ZGPAT: variants seen among roughly 807,000 people sequenced by gnomAD.
ZGPAT encodes zinc finger CCCH-type with G patch domain-containing protein.
Under a neutral mutation model 47.9 loss-of-function variants are expected in ZGPAT, and 39 were observed. The observed-to-expected ratio is 0.81, with a 90% CI of 0.63 to 1.06. The LOEUF (loss-of-function observed/expected upper bound fraction) is 1.06, where lower values mean the gene tolerates loss of function less well. Ranked by LOEUF, ZGPAT falls within the 50% of genes least tolerant of loss-of-function variation. The pLI, the probability that ZGPAT is intolerant of heterozygous loss-of-function variation, is 0.00. For synonymous variants in ZGPAT, 348 were observed against 292.9 expected (o/e 1.19, Z -1.92); for missense variants, 717 against 681.4 (o/e 1.05, Z -0.58).
chr20:63,735,785 AGCGTGGC>A lies in ZGPAT; in HGVS notation c.1404_1410del (p.Val469GlnfsTer38). ...GACTAGTGAGCCCCTCCGCAGGCAT[AGCGTGGC>A]GTCAGCCCAGCTGCAGGAGAAGCTG... On this transcript the variant is annotated frameshift_variant, in exon 7 of 7. Coordinates refer to ENST00000355969, the MANE Select transcript of ZGPAT (RefSeq NM_181485.3). LOFTEE classifies it high-confidence loss of function. The A allele has an allele frequency of 6.2e-7, 1 of 1,601,868 alleles. No homozygotes were observed. Among genetic ancestry groups the A allele is most frequent in the Non-Finnish European group, 8.5e-7 (1 of 1,175,032 alleles).
chr20:63,733,735 C>T lies in ZGPAT; in HGVS notation c.867C>T (p.Ala289=), dbSNP rs1490018909. ...DSDGTGDSSY[A]RVVGSDAVDS... ...ACGGTACGGGTGACTCCAGCTATGC[C>T]AGAGGTATGGCAGCAGCTGCGGAGC... Residue 289 remains alanine (A), a synonymous_variant, in exon 4 of 7, where the codon GCC becomes GCT. Transcript: ENST00000355969. 2 of 1,609,972 alleles carry T rather than the reference C, an allele frequency of 1.2e-6. No homozygotes were observed. The highest frequency in any genetic ancestry group is 1.7e-6 in the Non-Finnish European group (2 of 1,177,622).
At chr20:63,729,034 C>CTTT (rs1054928363) in intron 2 of ZGPAT, among the ~76,000 whole-genome samples, 1 of 139,558 alleles carries the variant, frequency 7.2e-6, no homozygotes, top group African/African-American at 2.7e-5. Context: ...TTCTTTTTTT[C>CTTT]TTTTTTTTTT....
chr20:63,725,728 T>G, intron 2 of ZGPAT, among the ~76,000 whole-genome samples: 1 of 151,584 alleles, frequency 6.6e-6, no homozygotes, highest in African/African-American at 2.4e-5. Context: ...CTTTTGGGAG[T>G]ACCACTGCAT....
In ZGPAT at chr20:63,733,617, T is replaced by C. The variant is rs372783494; in HGVS notation, c.749T>C (p.Phe250Ser). 1 of 1,613,984 alleles carries C rather than the reference T, an allele frequency of 6.2e-7. No homozygotes were observed. The highest frequency in any genetic ancestry group is 8.5e-7 in the Non-Finnish European group (1 of 1,180,050). ...DVDNGYYTVK[F>S]DSLLLREAVV... ...GACAACGGCTACTACACAGTCAAGT[T>C]TGACTCGCTGCTGCTGAGGGAGGCC... The change falls in exon 4 of 7, where the codon TTT becomes TCT. Residue 250 changes from phenylalanine to serine, a missense_variant. By Grantham distance (155) the Phe-to-Ser change is radical. Transcript: ENST00000355969.
In ZGPAT at chr20:63,735,808, G is replaced by A; in HGVS notation, c.1425G>A (p.Gln475=). 6.2e-7 allele frequency: 1 copy of A among 1,610,906 alleles called. No homozygotes were observed. The highest frequency in any genetic ancestry group is 1.7e-4 in the Middle Eastern group (1 of 6,046). ...ATAGCGTGGCGTCAGCCCAGCTGCA[G>A]GAGAAGCTGGCAGGAGCCCAGCGCC... ...GRHSVASAQL[Q]EKLAGAQRQL... The change falls in exon 7 of 7, where the codon CAG becomes CAA. Residue 475 remains glutamine, a synonymous_variant. Coordinates refer to ENST00000355969, the MANE Select transcript of ZGPAT (RefSeq NM_181485.3).
chr20:63,715,827 C>CAT lies in ZGPAT; in HGVS notation c.584+6669_584+6670dup, dbSNP rs148206286. On this transcript the variant is annotated intron_variant, in intron 2 of 6. Coordinates refer to ENST00000355969, the MANE Select transcript of ZGPAT (RefSeq NM_181485.3). Reference sequence around the variant, plus strand: ...TCAACAGTGAAGTGATATATACAATCATATATAGAGAGAGAGAGAGAGAGA... The same window carrying CAT: ...TCAACAGTGAAGTGATATATACAATCATATATATAGAGAGAGAGAGAGAGAGA... Among the ~76,000 whole-genome samples the CAT allele has an allele frequency of 4.2e-3, 628 of 148,528 alleles. 3 individuals are homozygous for CAT. The highest frequency in any genetic ancestry group is 7.5e-3 in the African/African-American group (292 of 39,166).
chr20:63,735,797 G>T lies in ZGPAT; in HGVS notation c.1414G>T (p.Ala472Ser). ...CCTCCGCAGGCATAGCGTGGCGTCA[G>T]CCCAGCTGCAGGAGAAGCTGGCAGG... ...RNAGRHSVAS[A>S]QLQEKLAGAQ... Residue 472 changes from alanine to serine, a missense_variant, in exon 7 of 7, where the codon GCC (alanine) becomes TCC (serine). Coordinates refer to ENST00000355969, the MANE Select transcript of ZGPAT (RefSeq NM_181485.3). The T allele has an allele frequency of 6.2e-7, 1 of 1,608,186 alleles. No homozygotes were observed. Among genetic ancestry groups the T allele is most frequent in the Non-Finnish European group, 8.5e-7 (1 of 1,177,902 alleles).
intron 2 of ZGPAT, among the ~76,000 whole-genome samples, chr20:63,715,645 A>G (rs1304994670): frequency 2.0e-5 from 3 of 151,990 alleles, no homozygotes; most frequent in Admixed American, 2.0e-4. Flanking sequence ...TTGATAAGGG[A>G]TATTGGTCTG....
At chr20:63,734,888 A>G in intron 5 of ZGPAT, 64 bp downstream of exon 5, 2 of 1,503,492 alleles carry the variant, frequency 1.3e-6, no homozygotes, top group South Asian at 1.4e-5. Context: ...TCCAGCAGCC[A>G]TCAGGTTCCC....
intron 2 of ZGPAT, among the ~76,000 whole-genome samples, chr20:63,717,341 T>C (rs2091740756): frequency 7.3e-6 from 1 of 137,164 alleles, no homozygotes; most frequent in African/African-American, 2.7e-5. Context: ...TCTTTTTTTT[T>C]TTTTTTTTTT....
chr20:63,730,922 T>TTCTCTCTCTCTC (rs33915732), intron 2 of ZGPAT, among the ~76,000 whole-genome samples: 266 of 124,602 alleles, frequency 2.1e-3, no homozygotes, highest in East Asian at 9.7e-3. Context: ...TTCCTCTTCA[T>TTCTCTCTCTCTC]TCTCTCTCTC....
At chr20:63,727,389 A>G (rs1182256857) in intron 2 of ZGPAT, among the ~76,000 whole-genome samples, 1 of 151,968 alleles carries the variant, frequency 6.6e-6, no homozygotes, top group African/African-American at 2.4e-5. Context: ...GTACAGGCTC[A>G]TGACACCACG....
chr20:63,719,760 A>G (rs1356388491), intron 2 of ZGPAT, among the ~76,000 whole-genome samples: 2 of 148,220 alleles, frequency 1.3e-5, no homozygotes, highest in Non-Finnish European at 1.5e-5. Flanking sequence ...TTTTTTTTGA[A>G]GCGGGGTTTC....
rs1186574771 is a variant in ZGPAT, at chr20:63,709,065, C to T, written c.485C>T (p.Ser162Leu). ...VVGTEEAEDGSAGVRVLYLYP... is the reference protein window; with the variant it reads ...VVGTEEAEDGLAGVRVLYLYP... ...GGAACGGAAGAGGCGGAGGATGGCTCGGCGGGTGTCCGTGTGCTTTACCTG... is the reference window on the plus strand; with the variant it reads ...GGAACGGAAGAGGCGGAGGATGGCTTGGCGGGTGTCCGTGTGCTTTACCTG... Residue 162 changes from serine (S) to leucine (L), a missense_variant, in exon 2 of 7, where the codon TCG becomes TTG. Transcript: ENST00000355969. The T allele has an allele frequency of 1.2e-6, 2 of 1,613,420 alleles. No individual in the cohort carries two copies. The highest frequency in any genetic ancestry group is 1.7e-5 in the Admixed American group (1 of 60,030).
At chr20:63,711,837 G>C (rs1249640600) in intron 2 of ZGPAT, among the ~76,000 whole-genome samples, 3 of 152,056 alleles carry the variant, frequency 2.0e-5, no homozygotes, top group African/African-American at 7.2e-5. Flanking sequence ...ATCCCGCCTT[G>C]GTTTCCCAAA....
Position 63,735,785 on chromosome 20 carries a change from A to G in ZGPAT, c.1402A>G (p.Ser468Gly), listed in dbSNP as rs767605942. ...GACTAGTGAGCCCCTCCGCAGGCAT[A>G]GCGTGGCGTCAGCCCAGCTGCAGGA... ...EALARNAGRH[S>G]VASAQLQEKL... is the part of the protein sequence containing the mutation. Residue 468 changes from serine (S) to glycine (G), a missense_variant, in exon 7 of 7, where the codon AGC becomes GGC. Coordinates refer to ENST00000355969, the MANE Select transcript of ZGPAT (RefSeq NM_181485.3). The G allele has an allele frequency of 6.4e-5, 102 of 1,601,868 alleles. No individual in the cohort carries two copies. Among genetic ancestry groups the G allele is most frequent in the Non-Finnish European group, 8.5e-5 (100 of 1,175,032 alleles).
chr20:63,708,360 C>G (rs954562549), intron 1 of ZGPAT, among the ~76,000 whole-genome samples, 193 bp from the exon 2 acceptor site: 2 of 151,962 alleles, frequency 1.3e-5, no homozygotes, highest in Admixed American at 1.3e-4. Context: ...CGGCTAGCGG[C>G]GAGCCCACGG....
Position 63,734,557 on chromosome 20 carries a change from A to G in ZGPAT, c.872-148A>G, listed in dbSNP as rs952837482. 4.8e-6 allele frequency: 7 copies of G among 1,473,178 alleles called. No homozygotes were observed. The African/African-American group carries it at 8.5e-5, about 18-fold the overall frequency. 91.3% of individuals were successfully genotyped at this position (1,473,178 alleles called of 1,614,324 possible). Reference sequence around the variant, plus strand: ...GAGGTGGGGTGTCGTGGCTCTGCCCAGGATCTGAGCTCATTGGTCAAAGCC... The same window carrying G: ...GAGGTGGGGTGTCGTGGCTCTGCCCGGGATCTGAGCTCATTGGTCAAAGCC... On this transcript the variant is annotated intron_variant, in intron 4 of 6. Transcript: ENST00000355969.
chr20:63,714,774 G>A (rs938396449), intron 2 of ZGPAT, among the ~76,000 whole-genome samples: 2 of 151,678 alleles, frequency 1.3e-5, no homozygotes, highest in African/African-American at 4.8e-5. Flanking sequence ...TCCTGAGTAG[G>A]TGAGACTACA....
Sources: allele counts gnomAD v4.1 joint callset (sites outside exome capture counted in the v4.1 genomes callset), GRCh38; gene constraint gnomAD v4.1.1; transcripts MANE v1.5; gene names NCBI Gene and HGNC (gene_info 2026-07-23, HGNC 2026-07-21).